The following HPS3 variants were observed in gnomAD, a reference collection of about 807,000 sequenced individuals.
The protein encoded by HPS3 is HPS3 biogenesis of lysosomal organelles complex 2 subunit 1.
A neutral mutation model predicts 110.9 loss-of-function variants in HPS3; 79 were observed. The observed-to-expected ratio is 0.71, with a 90% CI of 0.59 to 0.86. The LOEUF (loss-of-function observed/expected upper bound fraction) is 0.86, where lower values mean the gene tolerates loss of function less well. HPS3 is among the 40% of genes least tolerant of loss of function. The pLI, the probability that HPS3 is intolerant of heterozygous loss-of-function variation, is 0.00. For synonymous variants in HPS3, 428 were observed against 451.0 expected, an observed-to-expected ratio of 0.95 and a Z score of 0.65; for missense variants, 1,197 against 1,206.2, an observed-to-expected ratio of 0.99 and a Z score of 0.11.
rs536290881 is a variant in HPS3 at position 149,162,788 on chromosome 3, A to G, written c.2391A>G (p.Glu797=). Residue 797 remains glutamate (E), a synonymous_variant, in exon 13 of 17, where the codon GAA becomes GAG. Transcript: ENST00000296051. The stretch of plus-strand genomic sequence containing the variant: ...GTCTCCCAGATGTGGTACTTCAGGA[A>G]CTCTTTTTCAAACTCACATCACAGT... ...VACLPDVVLQ[E]LFFKLTSQYI... 2 of 1,613,842 alleles carry G rather than the reference A, an allele frequency of 1.2e-6. No individual in the cohort carries two copies. The highest frequency in any genetic ancestry group is 2.2e-5 in the East Asian group (1 of 44,868).
intron 1 of HPS3, among the ~76,000 whole-genome samples, chr3:149,137,856 A>T (rs560407914): frequency 2.0e-5 from 3 of 152,320 alleles, no homozygotes; most frequent in African/African-American, 7.2e-5. Flanking sequence ...AGAGTTTTTT[A>T]GTAGATGAAA....
Position 149,140,037 on chromosome 3 carries a change from A to G in HPS3, c.251A>G (p.Lys84Arg), listed in dbSNP as rs201283536. The G allele has an allele frequency of 1.9e-6, 3 of 1,613,432 alleles. No individual in the cohort carries two copies. The highest frequency in any genetic ancestry group is 1.7e-5 in the Admixed American group (1 of 59,940). ...DYLVAIEEKN[K>R]ATFLRAYVNW... is the part of the protein sequence containing the mutation. Reference sequence around the variant, plus strand: ...TTGGTAGCAATTGAAGAGAAAAACAAAGCTACATTTCTACGTGCTTATGTG... The same window carrying G: ...TTGGTAGCAATTGAAGAGAAAAACAGAGCTACATTTCTACGTGCTTATGTG... The change falls in exon 2 of 17, where the codon AAA becomes AGA. Residue 84 changes from lysine (K) to arginine (R), a missense_variant. Transcript: ENST00000296051.
In HPS3 at chr3:149,147,091, A is replaced by G. The variant is rs116562074; in HGVS notation, c.1163+1545A>G. Among the ~76,000 whole-genome samples the G allele has an allele frequency of 9.4e-3, 1,435 of 152,290 alleles. 7 individuals carry two copies. Among genetic ancestry groups the G allele is most frequent in the African/African-American group, 0.033 (1,378 of 41,546 alleles). ...TGGGAGAGGCTTCAGTGGGAAAGTT[A>G]AAAGACTTGTCTGATGGGATAATGG... On this transcript the variant is annotated intron_variant, in intron 5 of 16. Coordinates refer to ENST00000296051, the MANE Select transcript of HPS3 (RefSeq NM_032383.5).
rs1241611012 is a variant in HPS3 at position 149,163,808 on chromosome 3, T to C, written c.2482-34T>C. On this transcript the variant is annotated intron_variant, in intron 13 of 16. Coordinates refer to ENST00000296051, the MANE Select transcript of HPS3 (RefSeq NM_032383.5). ...ATGGATAAGCAAGCTTTTGTTGTTA[T>C]ATTTTGTTTATGAGAAATTCTTTTA... 10 of 1,141,998 alleles carry C rather than the reference T, an allele frequency of 8.8e-6. No individual in the cohort carries two copies. In the East Asian group the frequency reaches 1.2e-4, roughly 13 times the overall value. The allele number at this position is 1,141,998 out of a possible 1,614,324, so 70.7% of individuals were successfully genotyped here. A position where few individuals can be genotyped will look rare whatever the true frequency, so the allele number is the denominator to read the frequency against.
At chr3:149,139,282 A>G (rs1231471100) in intron 1 of HPS3, among the ~76,000 whole-genome samples, 1 of 152,126 alleles carries the variant, frequency 6.6e-6, no homozygotes, top group Non-Finnish European at 1.5e-5. Context: ...ATTTAATATG[A>G]TTACATTTTA....
intron 1 of HPS3, 32 bp from the exon 2 acceptor site, chr3:149,139,972 A>C: frequency 6.3e-7 from 1 of 1,597,546 alleles, no homozygotes; most frequent in African/African-American, 1.3e-5. Context: ...TTCTAATTAC[A>C]AATTCTCAGT....
At chr3:149,158,100 T>C (rs1047032909) in intron 9 of HPS3, among the ~76,000 whole-genome samples, 2 of 152,214 alleles carry the variant, frequency 1.3e-5, no homozygotes, top group African/African-American at 4.8e-5. Context: ...GTGATTTTGA[T>C]CTCAGTAGTC....
intron 4 of HPS3, among the ~76,000 whole-genome samples, chr3:149,143,746 T>C (rs531939773): frequency 2.0e-5 from 3 of 152,286 alleles, no homozygotes; most frequent in East Asian, 1.9e-4. Context: ...AGCACAGATA[T>C]ATGTTAAAAA....
chr3:149,135,257 T>C (rs1722020253), intron 1 of HPS3, among the ~76,000 whole-genome samples: 1 of 152,160 alleles, frequency 6.6e-6, no homozygotes, highest in Non-Finnish European at 1.5e-5. Flanking sequence ...TCTGACATCG[T>C]CATCAGTAAG....
At chr3:149,154,976 A>G (rs1559917844) in intron 7 of HPS3, 131 bp from the exon 8 acceptor site, 1 of 666,462 alleles carries the variant, frequency 1.5e-6, no homozygotes, top group East Asian at 2.7e-5. Flanking sequence ...AATAGAGTGT[A>G]CAGTTAATCA....
At chr3:149,130,180 C>G (rs7643306) in intron 1 of HPS3, 1 of 575,636 alleles carries the variant, frequency 1.7e-6, no homozygotes. Flanking sequence ...GACATCTCTT[C>G]GTCTTGGTTT....
chr3:149,162,634 G>A (rs776360919), intron 12 of HPS3, 56 bp from the exon 13 acceptor site: 24 of 1,555,980 alleles, frequency 1.5e-5, no homozygotes, highest in East Asian at 6.7e-5. Flanking sequence ...CCCAGCTGTC[G>A]CTTTATCAGT....
In HPS3 at chr3:149,157,548, G is replaced by A; in HGVS notation, c.1691+17G>A. The A allele has an allele frequency of 6.2e-7, 1 of 1,612,136 alleles. No homozygotes were observed. The highest frequency in any genetic ancestry group is 1.1e-5 in the South Asian group (1 of 91,030). Reference sequence around the variant, plus strand: ...TTACAGCAGGTGGGTGACACCTCTTGGAACCTTGTTACAGAAGTCATCTTG... The same window carrying A: ...TTACAGCAGGTGGGTGACACCTCTTAGAACCTTGTTACAGAAGTCATCTTG... On this transcript the variant is annotated intron_variant, in intron 9 of 16. Transcript: ENST00000296051.
At chr3:149,136,847 A>G (rs1722137836) in intron 1 of HPS3, among the ~76,000 whole-genome samples, 1 of 152,222 alleles carries the variant, frequency 6.6e-6, no homozygotes, top group Admixed American at 6.5e-5. Context: ...TATAGATGAA[A>G]TGGGCATGTA....
intron 6 of HPS3, among the ~76,000 whole-genome samples, chr3:149,151,097 T>A (rs1291302186): frequency 6.6e-6 from 1 of 152,112 alleles, no homozygotes; most frequent in East Asian, 1.9e-4. Flanking sequence ...AGCCTCGAAC[T>A]CCTGGACTCA....
chr3:149,173,596 C>T lies in HPS3; in HGVS notation c.*1374C>T. On this transcript the variant is annotated 3_prime_UTR_variant, in exon 17 of 17. Coordinates refer to ENST00000296051, the MANE Select transcript of HPS3 (RefSeq NM_032383.5). Reference sequence around the variant, plus strand: ...ACAAATGTACAAAGTTGTATGCTTCCAGTCTTCTTTTAATGTTTATAGTCA... The same window carrying T: ...ACAAATGTACAAAGTTGTATGCTTCTAGTCTTCTTTTAATGTTTATAGTCA... 2 of 706,128 alleles carry T rather than the reference C, an allele frequency of 2.8e-6. No homozygotes were observed. The highest frequency in any genetic ancestry group is 4.8e-6 in the Non-Finnish European group (2 of 418,412). 43.7% of individuals were successfully genotyped at this position (706,128 alleles called of 1,614,324 possible). A position where few individuals can be genotyped will look rare whatever the true frequency, so the allele number is the denominator to read the frequency against.
At chr3:149,138,260 G>A (rs1025993308) in intron 1 of HPS3, among the ~76,000 whole-genome samples, 4 of 152,204 alleles carry the variant, frequency 2.6e-5, no homozygotes, top group Non-Finnish European at 4.4e-5. Flanking sequence ...GTGAATGTCT[G>A]CAGAAAGGGG....
Position 149,142,170 on chromosome 3 carries a change from A to G in HPS3, c.970+790A>G, listed in dbSNP as rs370246929. 1.1e-4 allele frequency among the ~76,000 whole-genome samples: 16 copies of G among 152,302 alleles called. No homozygotes were observed. In the East Asian group the frequency reaches 2.1e-3, roughly 20 times the overall value. On this transcript the variant is annotated intron_variant, in intron 4 of 16. Coordinates refer to ENST00000296051, the MANE Select transcript of HPS3 (RefSeq NM_032383.5). ...GGCCCAAAATCCTTAGCAAATACCT[A>G]TGAGTACTAGAAAGGGAAGTCATAC...
intron 12 of HPS3, 25 bp from the exon 13 acceptor site, chr3:149,162,665 A>G (rs1418985351): frequency 6.2e-7 from 1 of 1,612,132 alleles, no homozygotes; most frequent in Admixed American, 1.7e-5. Context: ...TCTGGAATAT[A>G]GAGGCTCCTT....
Sources: allele counts gnomAD v4.1 joint callset (sites outside exome capture counted in the v4.1 genomes callset), GRCh38; gene constraint gnomAD v4.1.1; transcripts MANE v1.5; gene names NCBI Gene and HGNC (gene_info 2026-07-23, HGNC 2026-07-21).